The following PRKN variants were observed in gnomAD, a reference collection of about 807,000 sequenced individuals.
PRKN encodes E3 ubiquitin-protein ligase parkin.
In PRKN, 56 loss-of-function variants were observed where a neutral mutation model predicts 59.5. That is an observed-to-expected ratio of 0.94 (90% CI 0.76 to 1.18). The LOEUF (loss-of-function observed/expected upper bound fraction) is 1.18, where lower values mean the gene tolerates loss of function less well. Ranked by LOEUF, PRKN falls within the 50% of genes most tolerant of loss-of-function variation. The probability of loss-of-function intolerance (pLI) is 0.00; values close to 1 mark genes in which losing one functional copy is unlikely to be tolerated. For synonymous variants in PRKN, 250 were observed against 222.1 expected (o/e 1.13, Z -1.12); for missense variants, 657 against 596.4 (o/e 1.10, Z -1.06).
rs117171766 is a variant in PRKN, at chr6:162,058,506, C to T, written c.535-4332G>A. Among the ~76,000 whole-genome samples, 389 of 152,184 alleles carry T rather than the reference C, an allele frequency of 2.6e-3. 4 individuals carry two copies. The East Asian group carries it at 0.032, about 12-fold the overall frequency. On this transcript the variant is annotated intron_variant, in intron 4 of 11. Transcript: ENST00000366898. ...GTGAACCACACTGTGCTTGAGGCACCGAAAAGTCCCTGCGTTTAAAAGAAA... is the reference window on the plus strand; with the variant it reads ...GTGAACCACACTGTGCTTGAGGCACTGAAAAGTCCCTGCGTTTAAAAGAAA...
intron 1 of PRKN, among the ~76,000 whole-genome samples, chr6:162,679,370 C>T (rs1779684303): frequency 6.6e-6 from 1 of 152,070 alleles, no homozygotes; most frequent in South Asian, 2.1e-4. Context: ...TCCCAAAATG[C>T]TAGAATTACA....
At position 162,312,666 on chromosome 6, in the gene PRKN, T is replaced by C. The variant is rs74769033; in HGVS notation, c.172-49901A>G. Among the ~76,000 whole-genome samples the C allele has an allele frequency of 1.2e-3, 178 of 152,302 alleles. 1 individual carries two copies. In the East Asian group the frequency reaches 0.033, roughly 28 times the overall value. On this transcript the variant is annotated intron_variant, in intron 2 of 11. Transcript: ENST00000366898. ...GCATCTCATGGGCTTCTGTGGAAGT[T>C]CATTTACATAAGTGGTTCTTGATCC...
At chr6:162,419,356 T>C (rs894662912) in intron 2 of PRKN, among the ~76,000 whole-genome samples, 1 of 152,216 alleles carries the variant, frequency 6.6e-6, no homozygotes, top group Non-Finnish European at 1.5e-5. Flanking sequence ...TATTATAAGA[T>C]GTGTGATTAA....
chr6:162,591,993 A>AT (rs891252983), intron 1 of PRKN, among the ~76,000 whole-genome samples: 1 of 151,680 alleles, frequency 6.6e-6, no homozygotes, highest in Non-Finnish European at 1.5e-5. Context: ...CCAGAACCTC[A>AT]TTTTTTTGTT....
chr6:162,478,868 G>A (rs1583643276), intron 1 of PRKN, among the ~76,000 whole-genome samples: 1 of 152,200 alleles, frequency 6.6e-6, no homozygotes, highest in East Asian at 1.9e-4. Flanking sequence ...GGTAAAAAAT[G>A]GGACACTCGT....
At chr6:162,587,290 C>T (rs1781101065) in intron 1 of PRKN, among the ~76,000 whole-genome samples, 1 of 152,092 alleles carries the variant, frequency 6.6e-6, no homozygotes, top group Non-Finnish European at 1.5e-5. Flanking sequence ...CATGCACCAC[C>T]ACATTCAGCT....
At chr6:161,587,926 C>G (rs1396314351) in intron 7 of PRKN, among the ~76,000 whole-genome samples, 1 of 152,132 alleles carries the variant, frequency 6.6e-6, no homozygotes, top group Non-Finnish European at 1.5e-5. Context: ...GAATTAAAGA[C>G]TGGTAAAACC....
Position 161,430,631 on chromosome 6 carries a change from C to A in PRKN, c.1084-43754G>T, listed in dbSNP as rs1788595600. On this transcript the variant is annotated intron_variant, in intron 9 of 11. Coordinates refer to ENST00000366898, the MANE Select transcript of PRKN (RefSeq NM_004562.3). ...GAGATCAAGACCATCCTGGCTAACA[C>A]AGTGAAACCCTGTCTCTACTAAAAA... Among the ~76,000 whole-genome samples the A allele has an allele frequency of 3.3e-5, 5 of 151,556 alleles. No individual in the cohort carries two copies. The South Asian group carries it at 1.0e-3, about 31-fold the overall frequency.
chr6:161,418,360 C>A (rs1787948260), intron 9 of PRKN, among the ~76,000 whole-genome samples: 1 of 152,154 alleles, frequency 6.6e-6, no homozygotes, highest in South Asian at 2.1e-4. Context: ...TGGGGGAACC[C>A]AGCATTTTTA....
At chr6:162,513,345 G>A (rs4709633) in intron 1 of PRKN, among the ~76,000 whole-genome samples, 30,870 of 151,894 alleles carry the variant, frequency 0.2, 3,535 homozygotes, top group East Asian at 0.5. Flanking sequence ...CAGGCATGGT[G>A]GTGGGTGCAT....
intron 2 of PRKN, among the ~76,000 whole-genome samples, chr6:162,441,023 G>A (rs1172639671): frequency 1.3e-5 from 2 of 151,808 alleles, no homozygotes; most frequent in Admixed American, 6.6e-5. Context: ...CCAACTTCTC[G>A]GCACCTAAAT....
intron 2 of PRKN, among the ~76,000 whole-genome samples, chr6:162,403,265 G>A (rs1366513190): frequency 6.6e-6 from 1 of 151,996 alleles, no homozygotes; most frequent in Non-Finnish European, 1.5e-5. Flanking sequence ...TCCTGCCAGC[G>A]AATGCTTGCC....
chr6:162,090,121 C>T (rs1779415954), intron 4 of PRKN, among the ~76,000 whole-genome samples: 1 of 151,938 alleles, frequency 6.6e-6, no homozygotes, highest in Non-Finnish European at 1.5e-5. Context: ...CCTAAAAGTG[C>T]TGAGGAACCA....
chr6:162,008,541 C>A (rs1782352155), intron 5 of PRKN, among the ~76,000 whole-genome samples: 2 of 152,144 alleles, frequency 1.3e-5, no homozygotes, highest in South Asian at 4.1e-4. Context: ...ATAGAAGCTG[C>A]AGCAGGAACT....
At chr6:162,412,350 A>G (rs779448275) in intron 2 of PRKN, among the ~76,000 whole-genome samples, 1 of 152,080 alleles carries the variant, frequency 6.6e-6, no homozygotes, top group Non-Finnish European at 1.5e-5. Flanking sequence ...GGTACGATGA[A>G]TAACAAATGG....
rs73593435 is a variant in PRKN, at chr6:161,541,436, T to G, written c.1083+7418A>C. ...GGACTGTTCTGAGCTCTCTGCAGCT[T>G]ATAAAGCTAAAGAAGTTTCTCCAAT... On this transcript the variant is annotated intron_variant, in intron 9 of 11. Coordinates refer to ENST00000366898, the MANE Select transcript of PRKN (RefSeq NM_004562.3). Among the ~76,000 whole-genome samples the G allele has an allele frequency of 7.8e-3, 1,194 of 152,328 alleles. 15 individuals are homozygous for G. The highest frequency in any genetic ancestry group is 0.022 in the African/African-American group (906 of 41,562).
chr6:162,574,283 G>A (rs148078763), intron 1 of PRKN, among the ~76,000 whole-genome samples: 5 of 152,258 alleles, frequency 3.3e-5, no homozygotes, highest in East Asian at 3.9e-4. Context: ...GGAGAAAAAC[G>A]GAGGGACGTG....
intron 5 of PRKN, among the ~76,000 whole-genome samples, chr6:161,999,610 A>C (rs1181330332): frequency 6.6e-6 from 1 of 152,096 alleles, no homozygotes; most frequent in African/African-American, 2.4e-5. Context: ...TGCCCGAGCC[A>C]AGAAGGTGGC....
intron 4 of PRKN, among the ~76,000 whole-genome samples, chr6:162,179,771 C>G (rs1162627331): frequency 6.6e-6 from 1 of 152,104 alleles, no homozygotes; most frequent in Non-Finnish European, 1.5e-5. Context: ...AATTCATGAG[C>G]TTATGTATGT....
Sources: allele counts gnomAD v4.1 joint callset (sites outside exome capture counted in the v4.1 genomes callset), GRCh38; gene constraint gnomAD v4.1.1; transcripts MANE v1.5; gene names NCBI Gene and HGNC (gene_info 2026-07-23, HGNC 2026-07-21).